The following AGPAT5 variants were observed in gnomAD, a reference collection of about 807,000 sequenced individuals.
The protein encoded by AGPAT5 is 1-acyl-sn-glycerol-3-phosphate acyltransferase epsilon.
Under a neutral mutation model 45.6 loss-of-function variants are expected in AGPAT5, and 46 were observed. That is an observed-to-expected ratio of 1.01 (90% CI 0.80 to 1.29). AGPAT5 has a LOEUF of 1.29. Among genes scored for constraint, AGPAT5 ranks in the 50% most tolerant of loss-of-function variants. AGPAT5 has a pLI of 0.00. For missense variants in AGPAT5, 673 were observed against 450.7 expected (o/e 1.49, Z -4.47); for synonymous variants, 272 against 167.0 (o/e 1.63, Z -4.85).
chr8:6,709,492 G>C (rs575580523), intron 1 of AGPAT5: 2 of 151,702 alleles, frequency 1.3e-5, no homozygotes, highest in Non-Finnish European at 2.9e-5. Flanking sequence ...GATTGGATTC[G>C]TAGATTAAAC....
Position 6,708,899 on chromosome 8 carries a change from C to G in AGPAT5, c.219+12C>G. ...ACACCGGGGTCCAGGTGAGCCGCCTCCCGCTCCCGGGTCTCGGCGTCCACC... is the reference window on the plus strand; with the variant it reads ...ACACCGGGGTCCAGGTGAGCCGCCTGCCGCTCCCGGGTCTCGGCGTCCACC... On this transcript the variant is annotated intron_variant, in intron 1 of 7. Coordinates refer to ENST00000285518, the MANE Select transcript of AGPAT5 (RefSeq NM_018361.5). 6.3e-7 allele frequency: 1 copy of G among 1,594,764 alleles called. No individual in the cohort carries two copies. Among genetic ancestry groups the G allele is most frequent in the Non-Finnish European group, 8.5e-7 (1 of 1,172,016 alleles).
In AGPAT5 at chr8:6,708,654, C is replaced by CAA; in HGVS notation, c.-15_-14insAA. The CAA allele has an allele frequency of 6.6e-7, 1 of 1,525,344 alleles. No individual in the cohort carries two copies. The highest frequency in any genetic ancestry group is 8.8e-7 in the Non-Finnish European group (1 of 1,141,712). The allele number at this position is 1,525,344 out of a possible 1,614,324, so 94.5% of individuals were successfully genotyped here. On this transcript the variant is annotated 5_prime_UTR_variant, in exon 1 of 8. Coordinates refer to ENST00000285518, the MANE Select transcript of AGPAT5 (RefSeq NM_018361.5). ...GGGGAGCGCAGGCGGAGCTCGCTGC[C>CAA]GCCGAGCTGAGAAGATGCTGCTGTC...
At position 6,760,653 on chromosome 8, in the gene AGPAT5, CGTT is replaced by C. The variant is rs1306271095; in HGVS notation, c.*3268_*3270del. 6.6e-6 allele frequency among the ~76,000 whole-genome samples: 1 copy of C among 152,174 alleles called. No homozygotes were observed. The highest frequency in any genetic ancestry group is 1.9e-4 in the East Asian group (1 of 5,206). On this transcript the variant is annotated 3_prime_UTR_variant, in exon 8 of 8. Coordinates refer to ENST00000285518, the MANE Select transcript of AGPAT5 (RefSeq NM_018361.5). ...CTGGTGGAAAGCTACAATGCAATGT[CGTT>C]GTAGTTTTGCATGGCTTGCTTTATA...
chr8:6,748,649 C>T (rs1291967262), intron 6 of AGPAT5, among the ~76,000 whole-genome samples: 3 of 152,178 alleles, frequency 2.0e-5, no homozygotes, highest in East Asian at 3.8e-4. Context: ...GAACTACATG[C>T]GTGTGCCACC....
At chr8:6,756,770 G>A (rs931210607) in intron 7 of AGPAT5, among the ~76,000 whole-genome samples, 1 of 152,138 alleles carries the variant, frequency 6.6e-6, no homozygotes, top group Non-Finnish European at 1.5e-5. Flanking sequence ...CGCTGTCTAA[G>A]AACCGCTGGT....
rs114078681 is a variant in AGPAT5, at chr8:6,736,371, C to G, written c.495+3721C>G. 2.7e-3 allele frequency among the ~76,000 whole-genome samples: 406 copies of G among 152,182 alleles called. 1 individual carries two copies. Among genetic ancestry groups the G allele is most frequent in the African/African-American group, 9.6e-3 (397 of 41,522 alleles). On this transcript the variant is annotated intron_variant, in intron 4 of 7. Coordinates refer to ENST00000285518, the MANE Select transcript of AGPAT5 (RefSeq NM_018361.5). Reference sequence around the variant, plus strand: ...TTCAGTGTTTTAAATTATTGTTTTTCATTATATGAAGTGCTGTGTGGTTTT... The same window carrying G: ...TTCAGTGTTTTAAATTATTGTTTTTGATTATATGAAGTGCTGTGTGGTTTT...
At position 6,708,680 on chromosome 8, in the gene AGPAT5, C is replaced by T. The variant is rs1467101186; in HGVS notation, c.12C>T (p.Ser4=). The change falls in exon 1 of 8, where the codon TCC becomes TCT. Residue 4 remains serine (S), a synonymous_variant. Transcript: ENST00000285518. MLL[S]LVLHTYSMRY... ...GCCGAGCTGAGAAGATGCTGCTGTC[C>T]CTGGTGCTCCACACGTACTCCATGC... is the stretch of plus-strand genomic sequence containing the variant. 5 of 1,596,980 alleles carry T rather than the reference C, an allele frequency of 3.1e-6. No homozygotes were observed. Among genetic ancestry groups the T allele is most frequent in the East Asian group, 2.3e-5 (1 of 44,088 alleles).
In AGPAT5 at chr8:6,759,680, A is replaced by C. The variant is rs1168324443; in HGVS notation, c.*2292A>C. 1.3e-5 allele frequency: 2 copies of C among 152,206 alleles called. No individual in the cohort carries two copies. The highest frequency in any genetic ancestry group is 4.8e-5 in the African/African-American group (2 of 41,452). The allele number at this position is 152,206 out of a possible 1,614,324, so 9.4% of individuals were successfully genotyped here. A position where few individuals can be genotyped will look rare whatever the true frequency, so the allele number is the denominator to read the frequency against. ...ACTGTCTCTAATGGCTGTGCTGTTT[A>C]ACATTTTTTGACCCTAAAATTCACC... On this transcript the variant is annotated 3_prime_UTR_variant, in exon 8 of 8. Coordinates refer to ENST00000285518, the MANE Select transcript of AGPAT5 (RefSeq NM_018361.5).
intron 2 of AGPAT5, among the ~76,000 whole-genome samples, chr8:6,725,518 T>G (rs1282952883): frequency 6.6e-6 from 1 of 152,200 alleles, no homozygotes; most frequent in East Asian, 1.9e-4. Flanking sequence ...TTTGAGGTAA[T>G]TCTAGAGTCC....
chr8:6,744,164 A>G (rs1801343397), intron 5 of AGPAT5, among the ~76,000 whole-genome samples: 1 of 152,242 alleles, frequency 6.6e-6, no homozygotes, highest in African/African-American at 2.4e-5. Context: ...GACATAAACT[A>G]GAAAAATGGG....
intron 1 of AGPAT5, among the ~76,000 whole-genome samples, chr8:6,713,539 T>C (rs1253572224): frequency 6.6e-6 from 1 of 152,190 alleles, no homozygotes; most frequent in Non-Finnish European, 1.5e-5. Flanking sequence ...TAATATGCCC[T>C]TAACTTCTCC....
chr8:6,731,538 A>C (rs774412057), intron 3 of AGPAT5, among the ~76,000 whole-genome samples: 1 of 151,898 alleles, frequency 6.6e-6, no homozygotes, highest in African/African-American at 2.4e-5. Context: ...TATTATTTTT[A>C]ATTTTTATTT....
rs142998535 is a variant in AGPAT5 at position 6,757,002 on chromosome 8, A to G, written c.870-161A>G. ...CATATTAAAGATATTTTAGAAGACTAGAAACTTCTATTAAACCAAGTTTCT... is the reference window on the plus strand; with the variant it reads ...CATATTAAAGATATTTTAGAAGACTGGAAACTTCTATTAAACCAAGTTTCT... On this transcript the variant is annotated intron_variant, in intron 7 of 7. Transcript: ENST00000285518. 2.6e-5 allele frequency among the ~76,000 whole-genome samples: 4 copies of G among 152,376 alleles called. No homozygotes were observed. In the East Asian group the frequency reaches 7.7e-4, roughly 29 times the overall value.
Position 6,735,807 on chromosome 8 carries a change from C to T in AGPAT5, c.495+3157C>T, listed in dbSNP as rs931249437. Among the ~76,000 whole-genome samples the T allele has an allele frequency of 5.4e-5, 8 of 148,286 alleles. 1 individual carries two copies. Among genetic ancestry groups the T allele is most frequent in the Admixed American group, 2.0e-4 (3 of 14,858 alleles). On this transcript the variant is annotated intron_variant, in intron 4 of 7. Coordinates refer to ENST00000285518, the MANE Select transcript of AGPAT5 (RefSeq NM_018361.5). ...TGGAACAATGTTAGATTTACAAAAA[C>T]GTCAGAAAGAACAGAGTGTTCCTGT...
chr8:6,724,176 A>G (rs1800603985), intron 1 of AGPAT5, among the ~76,000 whole-genome samples: 3 of 152,240 alleles, frequency 2.0e-5, no homozygotes, highest in African/African-American at 7.2e-5. Context: ...TCATACTTAC[A>G]GAATAAAGTT....
chr8:6,739,957 G>A (rs1407505341), intron 4 of AGPAT5, among the ~76,000 whole-genome samples: 1 of 151,848 alleles, frequency 6.6e-6, no homozygotes, highest in Admixed American at 6.6e-5. Context: ...ATCATATCAT[G>A]ATATGTAACG....
At chr8:6,731,159 C>A (rs1800848939) in intron 3 of AGPAT5, among the ~76,000 whole-genome samples, 1 of 152,082 alleles carries the variant, frequency 6.6e-6, no homozygotes, top group South Asian at 2.1e-4. Context: ...CCATACCCAA[C>A]CCTATAAAAA....
chr8:6,709,096 G>C, intron 1 of AGPAT5: 2 of 632,802 alleles, frequency 3.2e-6, no homozygotes, highest in Non-Finnish European at 2.8e-6. Context: ...GCGTCGTCCT[G>C]AGGCTACGAG....
chr8:6,755,191 C>G lies in AGPAT5; in HGVS notation c.869+17C>G, dbSNP rs57125367. On this transcript the variant is annotated intron_variant, in intron 7 of 7. Coordinates refer to ENST00000285518, the MANE Select transcript of AGPAT5 (RefSeq NM_018361.5). ...CAAAGATAAGTGAGTAACAACAGTT[C>G]CAGCACTTCCGGAACTTCGGTTCAA... 16,861 of 1,587,888 alleles carry G rather than the reference C, an allele frequency of 0.011. 545 individuals are homozygous for G. Among genetic ancestry groups the G allele is most frequent in the African/African-American group, 0.1 (7,403 of 73,216 alleles).
Sources: allele counts gnomAD v4.1 joint callset (sites outside exome capture counted in the v4.1 genomes callset), GRCh38; gene constraint gnomAD v4.1.1; transcripts MANE v1.5; gene names NCBI Gene and HGNC (gene_info 2026-07-23, HGNC 2026-07-21).